OOSP3: variants seen among roughly 807,000 people sequenced by gnomAD.
OOSP3 encodes the protein oocyte-secreted protein 3.
At chr11:59,896,035 C>G (rs574654232) in intron 4 of OOSP3, 98 bp from the exon 5 acceptor site, 20 of 396,778 alleles carry the variant, frequency 5.0e-5, no homozygotes, top group East Asian at 7.1e-5. Flanking sequence ...TCTCCGTGTT[C>G]ACTAGTCAAT....
At chr11:59,880,020 A>G (rs183564261) in intron 1 of OOSP3, among the ~76,000 whole-genome samples, 2 of 152,258 alleles carry the variant, frequency 1.3e-5, no homozygotes, top group African/African-American at 4.8e-5. Context: ...TTAATGTTGA[A>G]CTTTTAAGGA....
chr11:59,891,321 AG>A (rs2134531030), intron 2 of OOSP3, among the ~76,000 whole-genome samples: 1 of 152,284 alleles, frequency 6.6e-6, no homozygotes, highest in African/African-American at 2.4e-5. Context: ...CCCTTGCTGA[AG>A]AGGTGTTGTA....
intron 2 of OOSP3, among the ~76,000 whole-genome samples, chr11:59,891,523 G>A (rs569241835): frequency 1.2e-4 from 18 of 152,202 alleles, no homozygotes; most frequent in Middle Eastern, 3.4e-3. Flanking sequence ...TTCAGAACCC[G>A]CTTCTGCAAG....
chr11:59,883,462 A>G (rs543076458), intron 2 of OOSP3, among the ~76,000 whole-genome samples: 1 of 152,206 alleles, frequency 6.6e-6, no homozygotes, highest in Non-Finnish European at 1.5e-5. Flanking sequence ...AGCTTGATCC[A>G]AGAATGTTGA....
At chr11:59,882,780 C>T (rs1348094600) in intron 2 of OOSP3, among the ~76,000 whole-genome samples, 1 of 152,268 alleles carries the variant, frequency 6.6e-6, no homozygotes, top group Admixed American at 6.5e-5. Context: ...TACCTATCAG[C>T]GGTCACTTCA....
chr11:59,891,603 C>T (rs1853313493), intron 2 of OOSP3, among the ~76,000 whole-genome samples: 1 of 152,218 alleles, frequency 6.6e-6, no homozygotes, highest in African/African-American at 2.4e-5. Flanking sequence ...GGCCGCAGAA[C>T]AGCAAAGATT....
chr11:59,884,058 C>A (rs948266255), intron 2 of OOSP3, among the ~76,000 whole-genome samples: 16 of 152,172 alleles, frequency 1.1e-4, no homozygotes, highest in Non-Finnish European at 1.8e-4. Context: ...TAAAACATTT[C>A]TAATATTCCT....
Position 59,896,092 on chromosome 11 carries a change from T to C in OOSP3, c.502-41T>C. The C allele has an allele frequency of 7.5e-6, 3 of 398,242 alleles. No homozygotes were observed. The East Asian group carries it at 1.1e-4, about 14-fold the overall frequency. The allele number at this position is 398,242 out of a possible 1,614,324, so 24.7% of individuals were successfully genotyped here. On this transcript the variant is annotated intron_variant, in intron 4 of 4. Coordinates refer to ENST00000646438, the Ensembl canonical transcript of OOSP3. ...GTGCCAAGTTTATCAAGGGGTTACATTGGAAACTTTTTATTAACTACCTTT... is the reference window on the plus strand; with the variant it reads ...GTGCCAAGTTTATCAAGGGGTTACACTGGAAACTTTTTATTAACTACCTTT...
intron 2 of OOSP3, among the ~76,000 whole-genome samples, chr11:59,887,110 G>GTT (rs375297220): frequency 1.0e-4 from 15 of 145,164 alleles, no homozygotes; most frequent in Non-Finnish European, 2.0e-4. Flanking sequence ...CTTTTTAATG[G>GTT]TTTTTTTTTT....
chr11:59,890,843 G>A (rs552227470), intron 2 of OOSP3, among the ~76,000 whole-genome samples: 3 of 152,172 alleles, frequency 2.0e-5, no homozygotes, highest in Non-Finnish European at 4.4e-5. Flanking sequence ...AGGTTAGGAA[G>A]TTCTCCTGGA....
At chr11:59,881,531 C>G (rs532280086) in intron 2 of OOSP3, among the ~76,000 whole-genome samples, 45 of 152,262 alleles carry the variant, frequency 3.0e-4, no homozygotes, top group Middle Eastern at 3.4e-3. Context: ...AGTTTTCTGA[C>G]AGCAACATAC....
chr11:59,882,059 G>A (rs113773729), intron 2 of OOSP3, among the ~76,000 whole-genome samples: 2,025 of 152,046 alleles, frequency 0.013, 49 homozygotes, highest in African/African-American at 0.045. Flanking sequence ...GGCCTTTGTG[G>A]TTTTTCCCAT....
intron 3 of OOSP3, 78 bp downstream of exon 3, chr11:59,894,254 T>C (rs565449712): frequency 2.5e-6 from 1 of 397,126 alleles, no homozygotes; most frequent in East Asian, 3.6e-5. Context: ...AATATGAAGC[T>C]TTACATCATT....
chr11:59,887,989 T>C (rs1340265784), intron 2 of OOSP3, among the ~76,000 whole-genome samples: 2 of 152,204 alleles, frequency 1.3e-5, no homozygotes. Context: ...AGCAGTGATT[T>C]GTAGTTCTCC....
intron 2 of OOSP3, among the ~76,000 whole-genome samples, chr11:59,892,618 A>C (rs921933548): frequency 6.6e-6 from 1 of 152,070 alleles, no homozygotes; most frequent in African/African-American, 2.4e-5. Flanking sequence ...CTACTAATCC[A>C]ATCTCTTTAC....
chr11:59,895,129 TG>T (rs2134533503), intron 3 of OOSP3, among the ~76,000 whole-genome samples: 1 of 152,304 alleles, frequency 6.6e-6, no homozygotes, highest in Admixed American at 6.5e-5. Context: ...TCAGGATCAA[TG>T]GATGAATGCT....
chr11:59,888,193 G>T (rs927833554), intron 2 of OOSP3, among the ~76,000 whole-genome samples: 5 of 152,192 alleles, frequency 3.3e-5, no homozygotes, highest in Non-Finnish European at 5.9e-5. Flanking sequence ...AGCTTAAGAA[G>T]CTTTTGGCTG....
At chr11:59,892,832 A>G (rs902996939) in intron 2 of OOSP3, among the ~76,000 whole-genome samples, 2 of 152,222 alleles carry the variant, frequency 1.3e-5, no homozygotes, top group Admixed American at 1.3e-4. Flanking sequence ...TTGAAATAGA[A>G]CAAGTTAAAA....
At chr11:59,894,352 G>A (rs1265312680) in intron 3 of OOSP3, among the ~76,000 whole-genome samples, 176 bp downstream of exon 3, 1 of 152,194 alleles carries the variant, frequency 6.6e-6, no homozygotes, top group African/African-American at 2.4e-5. Flanking sequence ...CAGATGCTCT[G>A]CCCAAATGCC....
Sources: gnomAD v4.1 joint callset for allele counts (sites outside exome capture counted in the v4.1 genomes callset) on GRCh38, gnomAD v4.1.1 for gene constraint, MANE v1.5 for transcripts, NCBI Gene and HGNC (gene_info 2026-07-23, HGNC 2026-07-21) for gene names.